Variants in VPS26B observed in about 807,000 individuals in gnomAD.
The protein encoded by VPS26B is vacuolar protein sorting-associated protein 26B.
VPS26B carries 10 observed loss-of-function variants against 33.3 expected under a neutral mutation model. That is an observed-to-expected ratio of 0.30 (90% confidence interval 0.19 to 0.51). VPS26B has a LOEUF of 0.51. Ranked by LOEUF, VPS26B falls within the 20% of genes least tolerant of loss-of-function variation. VPS26B has a pLI of 0.98. For synonymous variants in VPS26B, 190 were observed against 176.9 expected (o/e 1.07, Z -0.59); for missense variants, 317 against 452.7 (o/e 0.70, Z 2.72).
At position 134,245,114 on chromosome 11, in the gene VPS26B, T is replaced by C. The variant is rs766544329; in HGVS notation, c.864+34T>C. ...CAGGCTCCTCCAGGCCCCGATGCCCTTGGGACAGAACAGGAGGCTCTCTTT... is the reference window on the plus strand; with the variant it reads ...CAGGCTCCTCCAGGCCCCGATGCCCCTGGGACAGAACAGGAGGCTCTCTTT... On this transcript the variant is annotated intron_variant, in intron 5 of 5. Coordinates refer to ENST00000281187, the MANE Select transcript of VPS26B (RefSeq NM_052875.5). The surrounding 1 kb of genome is among the most constrained non-coding windows in gnomAD (Gnocchi z 4.7). 4.3e-5 allele frequency: 70 copies of C among 1,611,368 alleles called. No homozygotes were observed. The highest frequency in any genetic ancestry group is 5.3e-5 in the Non-Finnish European group (63 of 1,179,154).
At chr11:134,229,789 A>T (rs1938532013) in intron 1 of VPS26B, among the ~76,000 whole-genome samples, 1 of 152,158 alleles carries the variant, frequency 6.6e-6, no homozygotes, top group Admixed American at 6.5e-5. Flanking sequence ...AGTTTCTTAA[A>T]GGCAGTTCTA....
At chr11:134,239,198 A>G (rs765535867) in intron 2 of VPS26B, among the ~76,000 whole-genome samples, 1 of 152,146 alleles carries the variant, frequency 6.6e-6, no homozygotes, top group Non-Finnish European at 1.5e-5. Flanking sequence ...AGGTTCAGCC[A>G]GAGACTTGTT....
chr11:134,245,666 C>T lies in VPS26B; in HGVS notation c.*76C>T, dbSNP rs749996360. On this transcript the variant is annotated 3_prime_UTR_variant, in exon 6 of 6. Coordinates refer to ENST00000281187, the MANE Select transcript of VPS26B (RefSeq NM_052875.5). This position sits in a 1 kb window ranked among gnomAD's most constrained non-coding sequence, Gnocchi z 4.7. ...CAACACCAGCGGCTGGGGGCGGGGG[C>T]GGACCTTGTGAGGCTCAGTTGACCC... The T allele has an allele frequency of 2.5e-5, 38 of 1,491,820 alleles. No homozygotes were observed. The highest frequency in any genetic ancestry group is 1.9e-4 in the Middle Eastern group (1 of 5,376). 92.4% of individuals were successfully genotyped at this position (1,491,820 alleles called of 1,614,324 possible). A position where few individuals can be genotyped will look rare whatever the true frequency, so the allele number is the denominator to read the frequency against.
chr11:134,242,776 G>GGGAT (rs1938752596), intron 3 of VPS26B, among the ~76,000 whole-genome samples: 1 of 152,232 alleles, frequency 6.6e-6, no homozygotes, highest in Non-Finnish European at 1.5e-5. Flanking sequence ...GCGCTTGTGG[G>GGGAT]ACTAGCCTCT....
intron 1 of VPS26B, among the ~76,000 whole-genome samples, chr11:134,225,670 G>C (rs1164972940): frequency 6.6e-6 from 1 of 152,222 alleles, no homozygotes; most frequent in Non-Finnish European, 1.5e-5. Flanking sequence ...CTTGTCCCCA[G>C]GATTTCTGGG....
At chr11:134,228,605 T>G (rs1426526016) in intron 1 of VPS26B, among the ~76,000 whole-genome samples, 1 of 152,250 alleles carries the variant, frequency 6.6e-6, no homozygotes, top group African/African-American at 2.4e-5. Context: ...GGAGTGAAGA[T>G]GTACTATTTG....
intron 1 of VPS26B, 42 bp from the exon 2 acceptor site, chr11:134,234,855 G>T: frequency 6.2e-7 from 1 of 1,601,100 alleles, no homozygotes; most frequent in Non-Finnish European, 8.5e-7. Flanking sequence ...GTGTAGCTCA[G>T]GGTCTGATAA....
chr11:134,224,820 C>T lies in VPS26B; in HGVS notation c.-303C>T, dbSNP rs1232364894. The T allele has an allele frequency of 6.4e-6, 1 of 156,268 alleles. No individual in the cohort carries two copies. The highest frequency in any genetic ancestry group is 1.8e-4 in the East Asian group (1 of 5,416). The allele number at this position is 156,268 out of a possible 1,614,324, so 9.7% of individuals were successfully genotyped here. A position where few individuals can be genotyped will look rare whatever the true frequency, so the allele number is the denominator to read the frequency against. ...CGCAGCATTGCACGGCCGACCCTCG[C>T]CCGCCCACTGCCACCGGCCGCGGGA... On this transcript the variant is annotated 5_prime_UTR_variant, in exon 1 of 6. Transcript: ENST00000281187.
chr11:134,231,413 G>A (rs956596010), intron 1 of VPS26B, among the ~76,000 whole-genome samples: 1 of 152,148 alleles, frequency 6.6e-6, no homozygotes, highest in Non-Finnish European at 1.5e-5. Context: ...GCAGAGCTGC[G>A]CCTGGTGAGG....
intron 2 of VPS26B, among the ~76,000 whole-genome samples, chr11:134,238,406 C>T (rs1165442993): frequency 6.6e-6 from 1 of 152,054 alleles, no homozygotes; most frequent in African/African-American, 2.4e-5. Flanking sequence ...TCTTCCCAGA[C>T]AGCGGGGTGG....
chr11:134,237,734 A>G (rs917997582), intron 2 of VPS26B, among the ~76,000 whole-genome samples: 2 of 152,170 alleles, frequency 1.3e-5, no homozygotes, highest in Non-Finnish European at 2.9e-5. Flanking sequence ...CGCAGAATCA[A>G]GGGCTGCTGG....
chr11:134,228,068 G>T (rs1454140298), intron 1 of VPS26B, among the ~76,000 whole-genome samples: 1 of 152,250 alleles, frequency 6.6e-6, no homozygotes, highest in Non-Finnish European at 1.5e-5. Flanking sequence ...GGTTACGTGA[G>T]GACATGGAAG....
chr11:134,244,705 GCT>G lies in VPS26B; in HGVS notation c.722-228_722-227del. ...TGACCTGTGCTGTTCCCACTCAGTTGCTCTCTGTTTTCGAGAAGACATGAGAA... is the reference window on the plus strand; with the variant it reads ...TGACCTGTGCTGTTCCCACTCAGTTGCTCTGTTTTCGAGAAGACATGAGAA... On this transcript the variant is annotated intron_variant, in intron 4 of 5. Coordinates refer to ENST00000281187, the MANE Select transcript of VPS26B (RefSeq NM_052875.5). This position sits in a 1 kb window ranked among gnomAD's most constrained non-coding sequence, Gnocchi z 4.0. The G allele has an allele frequency of 7.7e-6, 4 of 521,252 alleles. No homozygotes were observed. The highest frequency in any genetic ancestry group is 1.4e-5 in the Non-Finnish European group (4 of 294,872). 32.3% of individuals were successfully genotyped at this position (521,252 alleles called of 1,614,324 possible).
At chr11:134,242,220 C>T (rs189732849) in intron 3 of VPS26B, among the ~76,000 whole-genome samples, 195 of 152,336 alleles carry the variant, frequency 1.3e-3, no homozygotes, top group Middle Eastern at 3.4e-3. Context: ...GCTCAGGTGT[C>T]TGCAGTCTTC....
rs1428820156 is a variant in VPS26B, at chr11:134,240,132, T to C, written c.522T>C (p.Ile174=). The C allele has an allele frequency of 1.2e-6, 2 of 1,614,230 alleles. No individual in the cohort carries two copies. Among genetic ancestry groups the C allele is most frequent in the Non-Finnish European group, 1.7e-6 (2 of 1,180,040 alleles). The change falls in exon 3 of 6, where the codon ATT becomes ATC. Residue 174 remains isoleucine, a synonymous_variant. Transcript: ENST00000281187. The surrounding 1 kb of genome is among the most constrained non-coding windows in gnomAD (Gnocchi z 4.4). ...TTGGGATTGAGGACTGTCTGCACAT[T>C]GAATTTGAGTACAATAAATCCAAGT... ...MEVGIEDCLH[I]EFEYNKSKYH...
chr11:134,245,662 G>A lies in VPS26B; in HGVS notation c.*72G>A. The stretch of plus-strand genomic sequence containing the variant: ...CTACCAACACCAGCGGCTGGGGGCG[G>A]GGGCGGACCTTGTGAGGCTCAGTTG... On this transcript the variant is annotated 3_prime_UTR_variant, in exon 6 of 6. Coordinates refer to ENST00000281187, the MANE Select transcript of VPS26B (RefSeq NM_052875.5). The surrounding 1 kb of genome is among the most constrained non-coding windows in gnomAD (Gnocchi z 4.7). 6.7e-7 allele frequency: 1 copy of A among 1,500,034 alleles called. No individual in the cohort carries two copies. The highest frequency in any genetic ancestry group is 1.4e-5 in the African/African-American group (1 of 71,910). The allele number at this position is 1,500,034 out of a possible 1,614,324, so 92.9% of individuals were successfully genotyped here. A position where few individuals can be genotyped will look rare whatever the true frequency, so the allele number is the denominator to read the frequency against.
chr11:134,226,429 A>C (rs1466737977), intron 1 of VPS26B, among the ~76,000 whole-genome samples: 1 of 152,102 alleles, frequency 6.6e-6, no homozygotes, highest in Non-Finnish European at 1.5e-5. Flanking sequence ...CAAATAAACA[A>C]ATAAGAACTA....
intron 1 of VPS26B, among the ~76,000 whole-genome samples, chr11:134,227,792 A>G (rs910292332): frequency 1.3e-5 from 2 of 152,342 alleles, no homozygotes; most frequent in African/African-American, 4.8e-5. Flanking sequence ...CATGACCCTT[A>G]TAGAGGGTTC....
chr11:134,234,433 T>A (rs1938601762), intron 1 of VPS26B, among the ~76,000 whole-genome samples: 1 of 152,222 alleles, frequency 6.6e-6, no homozygotes, highest in African/African-American at 2.4e-5. Context: ...TCCAGGCCAG[T>A]CAGTTAAGCA....
Sources: allele counts gnomAD v4.1 joint callset (sites outside exome capture counted in the v4.1 genomes callset), GRCh38; gene constraint gnomAD v4.1.1; non-coding constraint Gnocchi (gnomAD v3.1); transcripts MANE v1.5; gene names NCBI Gene and HGNC (gene_info 2026-07-23, HGNC 2026-07-21).